Variants in PCBP3 observed in about 807,000 individuals in gnomAD.
The protein encoded by PCBP3 is poly(rC) binding protein 3.
In PCBP3, 25 loss-of-function variants were observed where a neutral mutation model predicts 52.7. That is an observed-to-expected ratio of 0.47 (90% CI 0.35 to 0.66). The LOEUF (loss-of-function observed/expected upper bound fraction) is 0.66. Ranked by LOEUF, PCBP3 falls within the 30% of genes least tolerant of loss-of-function variation. PCBP3 has a pLI of 0.01. For synonymous variants in PCBP3, 162 were observed against 183.0 expected (o/e 0.89, Z 0.93); for missense variants, 391 against 490.3 (o/e 0.80, Z 1.91).
intron 2 of PCBP3, among the ~76,000 whole-genome samples, chr21:45,702,845 T>C (rs2147999612): frequency 6.6e-6 from 1 of 152,362 alleles, no homozygotes; most frequent in African/African-American, 2.4e-5. Flanking sequence ...ATAACTTCTT[T>C]CAAAATTGGA....
At chr21:45,669,809 A>G (rs1460846121) in intron 2 of PCBP3, among the ~76,000 whole-genome samples, 85 of 67,508 alleles carry the variant, frequency 1.3e-3, no homozygotes, top group Middle Eastern at 0.011. Flanking sequence ...GTGTGTGTAT[A>G]TATATATATA....
intron 2 of PCBP3, among the ~76,000 whole-genome samples, chr21:45,670,171 T>C (rs552730820): frequency 6.6e-6 from 1 of 152,268 alleles, no homozygotes; most frequent in South Asian, 2.1e-4. Context: ...AGGTGACATC[T>C]CTTTGTAGTT....
intron 4 of PCBP3, among the ~76,000 whole-genome samples, chr21:45,774,456 C>T (rs1367462823): frequency 3.3e-5 from 5 of 151,010 alleles, no homozygotes; most frequent in Admixed American, 6.6e-5. Context: ...AAAATTATAT[C>T]ATCAGCAAAG....
At chr21:45,730,282 C>T (rs1378701230) in intron 2 of PCBP3, among the ~76,000 whole-genome samples, 1 of 151,660 alleles carries the variant, frequency 6.6e-6, no homozygotes, top group Non-Finnish European at 1.5e-5. Flanking sequence ...TTCTTTGACC[C>T]ATATGTTATT....
At chr21:45,664,667 C>T (rs949582312) in intron 1 of PCBP3, among the ~76,000 whole-genome samples, 3 of 149,098 alleles carry the variant, frequency 2.0e-5, no homozygotes, top group Non-Finnish European at 1.5e-5. Context: ...GCACATTGTG[C>T]AGGTTAGTTA....
intron 13 of PCBP3, among the ~76,000 whole-genome samples, chr21:45,927,372 G>C (rs1465604846): frequency 6.8e-3 from 3 of 442 alleles, no homozygotes; most frequent in Non-Finnish European, 8.6e-3. Flanking sequence ...CTGCCTACCT[G>C]ACTTTCTTCC....
intron 6 of PCBP3, among the ~76,000 whole-genome samples, chr21:45,898,272 C>T (rs115098013): frequency 0.051 from 7,706 of 150,172 alleles, 653 homozygotes; most frequent in African/African-American, 0.16. Context: ...CCAGTGTCCT[C>T]CTCCCTCCAC....
At chr21:45,856,095 G>T (rs2094284072) in intron 5 of PCBP3, among the ~76,000 whole-genome samples, 1 of 152,174 alleles carries the variant, frequency 6.6e-6, no homozygotes, top group Admixed American at 6.5e-5. Flanking sequence ...TTTTATGGGG[G>T]AAAGTTTGCA....
intron 12 of PCBP3, chr21:45,916,156 C>A (rs909854474): frequency 6.6e-6 from 1 of 152,286 alleles, no homozygotes; most frequent in Non-Finnish European, 1.5e-5. Flanking sequence ...AGAAAACTCG[C>A]GTGGCCCAGG....
At chr21:45,920,961 G>A (rs952625507) in intron 13 of PCBP3, among the ~76,000 whole-genome samples, 2 of 152,212 alleles carry the variant, frequency 1.3e-5, no homozygotes, top group South Asian at 2.1e-4. Context: ...GTATCTCTCT[G>A]TGGAAGACAT....
chr21:45,869,967 G>A (rs1603459387), intron 5 of PCBP3, among the ~76,000 whole-genome samples: 3 of 152,336 alleles, frequency 2.0e-5, no homozygotes, highest in Middle Eastern at 6.8e-3. Context: ...GATTTTTTTA[G>A]CTGTTAGTCA....
At chr21:45,684,125 G>A (rs1011652038) in intron 2 of PCBP3, among the ~76,000 whole-genome samples, 1 of 151,816 alleles carries the variant, frequency 6.6e-6, no homozygotes, top group Non-Finnish European at 1.5e-5. Flanking sequence ...CTTCTCTGGA[G>A]GTTGAGGCAG....
chr21:45,911,183 G>A lies in PCBP3; in HGVS notation c.600+153G>A, dbSNP rs751919014. 33 of 844,394 alleles carry A rather than the reference G, an allele frequency of 3.9e-5. No individual in the cohort carries two copies. The Admixed American group carries it at 6.5e-4, about 17-fold the overall frequency. 52.3% of individuals were successfully genotyped at this position (844,394 alleles called of 1,614,324 possible). On this transcript the variant is annotated intron_variant, in intron 11 of 17. Transcript: ENST00000681687. ...CCCCAAGTCAGCCTGAGCGAGAGCG[G>A]TGCCGGTATGGGCGCCACAGGGGTG... is the stretch of plus-strand genomic sequence containing the variant.
At chr21:45,896,162 G>A in intron 5 of PCBP3, 46 bp from the exon 6 acceptor site, 2 of 1,540,506 alleles carry the variant, frequency 1.3e-6, no homozygotes, top group Non-Finnish European at 1.8e-6. Context: ...GATGTGCGTG[G>A]TCCGTGAGAC....
intron 4 of PCBP3, among the ~76,000 whole-genome samples, chr21:45,786,140 ATAAAT>A (rs777076306): frequency 8.6e-5 from 13 of 151,520 alleles, no homozygotes; most frequent in Non-Finnish European, 1.9e-4. Context: ...AAAAAAATAA[ATAAAT>A]AAATAAATAA....
At chr21:45,743,703 ATTAGGGTTACTG>A (rs2086618069) in intron 3 of PCBP3, among the ~76,000 whole-genome samples, 1 of 152,220 alleles carries the variant, frequency 6.6e-6, no homozygotes, top group South Asian at 2.1e-4. Context: ...AAAGGTTAGG[ATTAGGGTTACTG>A]TTAGGGTTAT....
intron 1 of PCBP3, among the ~76,000 whole-genome samples, chr21:45,668,200 A>G (rs999977847): frequency 6.6e-6 from 1 of 152,144 alleles, no homozygotes; most frequent in African/African-American, 2.4e-5. Flanking sequence ...TGTATGCACC[A>G]TGGCCTTCTA....
intron 13 of PCBP3, among the ~76,000 whole-genome samples, chr21:45,925,396 T>TA (rs1569503552): frequency 6.6e-6 from 1 of 151,794 alleles, no homozygotes; most frequent in South Asian, 2.1e-4. Context: ...AGGAGTGAAA[T>TA]AAAAAAGAAA....
chr21:45,935,148 T>A lies in PCBP3; in HGVS notation c.857-105T>A, dbSNP rs548461616. On this transcript the variant is annotated intron_variant, in intron 15 of 17. Transcript: ENST00000681687. ...TGCTGACCCTCACACTTGGGCCAGC[T>A]CTACAGCCCTGTCTCACTTGACCCA... The A allele has an allele frequency of 5.5e-4, 419 of 764,728 alleles. 4 individuals are homozygous for A. Among genetic ancestry groups the A allele is most frequent in the South Asian group, 3.2e-3 (195 of 60,500 alleles). 47.4% of individuals were successfully genotyped at this position (764,728 alleles called of 1,614,324 possible). A position where few individuals can be genotyped will look rare whatever the true frequency, so the allele number is the denominator to read the frequency against.
Sources: allele counts gnomAD v4.1 joint callset (sites outside exome capture counted in the v4.1 genomes callset), GRCh38; gene constraint gnomAD v4.1.1; transcripts MANE v1.5; gene names NCBI Gene and HGNC (gene_info 2026-07-23, HGNC 2026-07-21).